FSTL5: variants seen among roughly 807,000 people sequenced by gnomAD.
FSTL5 encodes follistatin like 5.
Under a neutral mutation model 89.1 loss-of-function variants are expected in FSTL5, and 62 were observed. The ratio of observed to expected loss-of-function variants is 0.70; its 90% CI spans 0.57 to 0.86. The LOEUF is 0.86. FSTL5 is among the 40% of genes least tolerant of loss of function. FSTL5 has a pLI of 0.00. For missense variants in FSTL5, 1,057 were observed against 1,001.6 expected (o/e 1.06, Z -0.75); for synonymous variants, 383 against 346.2 (o/e 1.11, Z -1.18).
At chr4:162,153,745 A>ATACATATATATGTATACGTATATATGT (rs375756150) in intron 1 of FSTL5, among the ~76,000 whole-genome samples, 2 of 109,854 alleles carry the variant, frequency 1.8e-5, no homozygotes, top group Non-Finnish European at 3.8e-5. Flanking sequence ...TGTATATAAT[A>ATACATATATATGTATACGTATATATGT]ATATACATGT....
intron 7 of FSTL5, among the ~76,000 whole-genome samples, chr4:161,610,439 T>G (rs1447698396): frequency 3.3e-5 from 5 of 152,188 alleles, no homozygotes; most frequent in Non-Finnish European, 7.3e-5. Flanking sequence ...GTTGACGGCC[T>G]AAGAAGGAAA....
At chr4:161,623,683 GTGT>G (rs1735217745) in intron 7 of FSTL5, among the ~76,000 whole-genome samples, 2 of 151,686 alleles carry the variant, frequency 1.3e-5, no homozygotes, top group South Asian at 2.1e-4. Flanking sequence ...TTAAATTATG[GTGT>G]TGTATTTAGT....
intron 3 of FSTL5, among the ~76,000 whole-genome samples, chr4:161,965,865 T>C (rs566005045): frequency 6.6e-6 from 1 of 152,168 alleles, no homozygotes; most frequent in African/African-American, 2.4e-5. Flanking sequence ...CTTTTCACCA[T>C]TTACCAGTAG....
At chr4:162,017,665 A>G (rs1211626683) in intron 3 of FSTL5, among the ~76,000 whole-genome samples, 3 of 152,192 alleles carry the variant, frequency 2.0e-5, no homozygotes, top group African/African-American at 4.8e-5. Context: ...GCATATTAAA[A>G]TCAGAGAACA....
intron 4 of FSTL5, among the ~76,000 whole-genome samples, chr4:161,912,444 GAGTA>G (rs1414078577): frequency 6.6e-6 from 1 of 152,106 alleles, no homozygotes; most frequent in Admixed American, 6.5e-5. Context: ...TCATGATAGT[GAGTA>G]AGTCTCACAA....
intron 4 of FSTL5, 45 bp from the exon 5 acceptor site, chr4:161,776,119 GAA>G (rs1741404354): frequency 1.0e-6 from 1 of 956,768 alleles, no homozygotes; most frequent in Admixed American, 3.2e-5. Flanking sequence ...TTATTGAAAA[GAA>G]ATAGTTTATT....
intron 3 of FSTL5, among the ~76,000 whole-genome samples, chr4:161,960,323 T>C (rs1292596396): frequency 1.3e-5 from 2 of 151,728 alleles, no homozygotes; most frequent in African/African-American, 2.4e-5. Context: ...TGTGGCACCA[T>C]GCCCAGCTAA....
In FSTL5 at chr4:161,776,081, CA is replaced by C; in HGVS notation, c.410-8del. 1 of 1,367,372 alleles carries C rather than the reference CA, an allele frequency of 7.3e-7. No homozygotes were observed. Among genetic ancestry groups the C allele is most frequent in the East Asian group, 2.5e-5 (1 of 39,222 alleles). The allele number at this position is 1,367,372 out of a possible 1,614,324, so 84.7% of individuals were successfully genotyped here. ...GTAGTCTTGCACTTATCTCCTGTAA[CA>C]AAAGAACTAGTTATTTTCAAGCAAT... On this transcript the variant is annotated splice_region_variant and splice_polypyrimidine_tract_variant and intron_variant, in intron 4 of 15. Transcript: ENST00000306100.
intron 7 of FSTL5, among the ~76,000 whole-genome samples, chr4:161,650,051 T>C (rs941018197): frequency 6.6e-6 from 1 of 152,214 alleles, no homozygotes; most frequent in East Asian, 1.9e-4. Flanking sequence ...GTATGTTTTA[T>C]AAAATAGTAA....
At chr4:161,670,126 A>G (rs1737048043) in intron 6 of FSTL5, among the ~76,000 whole-genome samples, 1 of 152,230 alleles carries the variant, frequency 6.6e-6, no homozygotes, top group South Asian at 2.1e-4. Context: ...ATATATTTTT[A>G]AAGTTTTGGT....
At chr4:161,766,069 C>G (rs1182034294) in intron 5 of FSTL5, among the ~76,000 whole-genome samples, 1 of 152,204 alleles carries the variant, frequency 6.6e-6, no homozygotes, top group African/African-American at 2.4e-5. Flanking sequence ...GATGAGATTA[C>G]AGGCGTGAGC....
At chr4:161,468,189 G>A (rs889887561) in intron 13 of FSTL5, among the ~76,000 whole-genome samples, 5 of 151,650 alleles carry the variant, frequency 3.3e-5, no homozygotes, top group African/African-American at 4.8e-5. Context: ...CTGAGTGAGC[G>A]ACCCCCACTA....
intron 4 of FSTL5, among the ~76,000 whole-genome samples, chr4:161,835,685 CA>C (rs975727024): frequency 5.3e-4 from 81 of 152,064 alleles, no homozygotes; most frequent in African/African-American, 1.4e-3. Flanking sequence ...TTTATGCAGC[CA>C]AAAAACACAT....
chr4:161,684,216 C>G (rs1040709776), intron 6 of FSTL5, among the ~76,000 whole-genome samples: 2 of 152,066 alleles, frequency 1.3e-5, no homozygotes, highest in African/African-American at 2.4e-5. Context: ...TTTGCAATTG[C>G]GAATTGTTAT....
intron 3 of FSTL5, among the ~76,000 whole-genome samples, chr4:161,951,358 CCTT>C (rs1734889490): frequency 6.6e-6 from 1 of 152,128 alleles, no homozygotes; most frequent in Non-Finnish European, 1.5e-5. Context: ...AATTTCTCCT[CCTT>C]CAAGTATTCC....
chr4:161,766,661 T>C (rs1208474576), intron 5 of FSTL5, among the ~76,000 whole-genome samples: 1 of 152,194 alleles, frequency 6.6e-6, no homozygotes, highest in Non-Finnish European at 1.5e-5. Flanking sequence ...ATACTGACTT[T>C]AGAAAAATCT....
intron 7 of FSTL5, among the ~76,000 whole-genome samples, chr4:161,636,223 G>A (rs1735691737): frequency 6.6e-6 from 1 of 151,940 alleles, no homozygotes; most frequent in Non-Finnish European, 1.5e-5. Flanking sequence ...GAATTATACT[G>A]TTAATGGTGT....
At chr4:161,694,885 T>C (rs572378070) in intron 6 of FSTL5, among the ~76,000 whole-genome samples, 270 of 147,126 alleles carry the variant, frequency 1.8e-3, no homozygotes, top group Non-Finnish European at 3.1e-3. Flanking sequence ...GTATTCCCTG[T>C]CACATGTAAT....
At chr4:161,497,181 C>A (rs1400507115) in intron 12 of FSTL5, among the ~76,000 whole-genome samples, 1 of 152,038 alleles carries the variant, frequency 6.6e-6, no homozygotes, top group Non-Finnish European at 1.5e-5. Flanking sequence ...CTTGCATGTA[C>A]ATGACAGTAT....
Sources: gnomAD v4.1 joint callset for allele counts (sites outside exome capture counted in the v4.1 genomes callset) on GRCh38, gnomAD v4.1.1 for gene constraint, MANE v1.5 for transcripts, NCBI Gene and HGNC (gene_info 2026-07-23, HGNC 2026-07-21) for gene names.